ATP13A4: variants seen among roughly 807,000 people sequenced by gnomAD.
ATP13A4 encodes the protein ATPase 13A4.
A neutral mutation model predicts 142.5 loss-of-function variants in ATP13A4; 114 were observed. The ratio of observed to expected loss-of-function variants is 0.80; its 90% CI spans 0.69 to 0.93. The LOEUF (loss-of-function observed/expected upper bound fraction) is 0.93, where lower values mean the gene tolerates loss of function less well. Among genes scored for constraint, ATP13A4 ranks in the 40% least tolerant of loss-of-function variants. The pLI, the probability that ATP13A4 is intolerant of heterozygous loss-of-function variation, is 0.00. For synonymous variants in ATP13A4, 488 were observed against 514.8 expected, an observed-to-expected ratio of 0.95 and a Z score of 0.70; for missense variants, 1,392 against 1,454.0, an observed-to-expected ratio of 0.96 and a Z score of 0.69.
intron 7 of ATP13A4, among the ~76,000 whole-genome samples, chr3:193,484,574 T>G (rs562336980): frequency 6.6e-6 from 1 of 152,298 alleles, no homozygotes; most frequent in African/African-American, 2.4e-5. Flanking sequence ...GTCCTGATTT[T>G]GTCATTTAAG....
chr3:193,573,429 T>C (rs1020087588), intron 2 of ATP13A4, among the ~76,000 whole-genome samples: 27 of 150,484 alleles, frequency 1.8e-4, no homozygotes, highest in African/African-American at 5.4e-4. Flanking sequence ...TGGTGACAAA[T>C]GACTCTCTGG....
chr3:193,486,174 T>A (rs1462929273), intron 7 of ATP13A4, among the ~76,000 whole-genome samples: 1 of 151,894 alleles, frequency 6.6e-6, no homozygotes, highest in Non-Finnish European at 1.5e-5. Flanking sequence ...CTCTTAGAGA[T>A]CCTCAGTGAT....
chr3:193,575,641 T>C (rs1560288054), intron 2 of ATP13A4, among the ~76,000 whole-genome samples: 1 of 152,234 alleles, frequency 6.6e-6, no homozygotes. Flanking sequence ...GGAAAATCTC[T>C]ATTAGATTAG....
At chr3:193,581,713 C>A (rs908323737) in exon 2 of ATP13A4, 3 of 152,114 alleles carry the variant, frequency 2.0e-5, no homozygotes, top group Non-Finnish European at 2.9e-5. Flanking sequence ...TTACCTCTTC[C>A]TGATCTCTGG....
At position 193,414,766 on chromosome 3, in the gene ATP13A4, G is replaced by T; in HGVS notation, c.2843-16C>A. 6.2e-7 allele frequency: 1 copy of T among 1,612,304 alleles called. No homozygotes were observed. Among genetic ancestry groups the T allele is most frequent in the Non-Finnish European group, 8.5e-7 (1 of 1,178,660 alleles). Reference sequence around the variant, plus strand: ...TTCAGATTCACTATAAAATAAATTCGAATTTTATATTTATGAGAGCAGGAA... The same window carrying T: ...TTCAGATTCACTATAAAATAAATTCTAATTTTATATTTATGAGAGCAGGAA... On this transcript the variant is annotated splice_polypyrimidine_tract_variant and intron_variant, in intron 25 of 29. Coordinates refer to ENST00000342695, the MANE Select transcript of ATP13A4 (RefSeq NM_032279.4).
intron 20 of ATP13A4, among the ~76,000 whole-genome samples, chr3:193,441,001 ATCTC>A (rs111272453): frequency 1.3e-5 from 2 of 149,750 alleles, no homozygotes; most frequent in African/African-American, 2.4e-5. Context: ...CTATCGATCT[ATCTC>A]TCTCTCTCTC....
intron 23 of ATP13A4, among the ~76,000 whole-genome samples, chr3:193,437,919 C>A (rs1716389594): frequency 6.7e-6 from 1 of 150,302 alleles, no homozygotes; most frequent in Admixed American, 6.7e-5. Flanking sequence ...GCAATCTCCA[C>A]CTCCCAGGTT....
chr3:193,408,658 G>A (rs527762186), intron 28 of ATP13A4, among the ~76,000 whole-genome samples: 1 of 152,290 alleles, frequency 6.6e-6, no homozygotes, highest in South Asian at 2.1e-4. Flanking sequence ...ACATAGCCAA[G>A]AAATGAGGAC....
At chr3:193,407,475 T>G in intron 28 of ATP13A4, 82 bp from the exon 29 acceptor site, 3 of 1,100,780 alleles carry the variant, frequency 2.7e-6, no homozygotes, top group Non-Finnish European at 4.1e-6. Flanking sequence ...GCATATATTT[T>G]CCTAGGTTAT....
At chr3:193,470,176 G>A (rs1718537986) in intron 9 of ATP13A4, among the ~76,000 whole-genome samples, 1 of 152,126 alleles carries the variant, frequency 6.6e-6, no homozygotes, top group Non-Finnish European at 1.5e-5. Flanking sequence ...AGCAATGTCA[G>A]CCAAACATCT....
chr3:193,480,675 G>A (rs1489975543), intron 8 of ATP13A4, among the ~76,000 whole-genome samples: 2 of 152,142 alleles, frequency 1.3e-5, no homozygotes, highest in Non-Finnish European at 2.9e-5. Flanking sequence ...TTACACTGTT[G>A]GTGGGAATGT....
chr3:193,436,375 G>A (rs1716267693), intron 23 of ATP13A4, among the ~76,000 whole-genome samples: 1 of 152,036 alleles, frequency 6.6e-6, no homozygotes, highest in Non-Finnish European at 1.5e-5. Context: ...TGAAATAGAT[G>A]ACACATGAAA....
chr3:193,556,170 TA>T (rs34102495), upstream of ATP13A4, among the ~76,000 whole-genome samples: 679 of 152,248 alleles, frequency 4.5e-3, 7 homozygotes, highest in Middle Eastern at 0.01. Context: ...ACATGTAACA[TA>T]AAGATGATGA....
At chr3:193,500,096 A>C (rs751950092) in intron 3 of ATP13A4, among the ~76,000 whole-genome samples, 18 of 152,188 alleles carry the variant, frequency 1.2e-4, no homozygotes, top group Non-Finnish European at 2.1e-4. Context: ...AGCTGGTAAG[A>C]GGATGTTAAG....
chr3:193,441,355 C>T, intron 20 of ATP13A4, 111 bp downstream of exon 20: 1 of 1,344,964 alleles, frequency 7.4e-7, no homozygotes, highest in East Asian at 2.3e-5. Flanking sequence ...ATACAGAAAA[C>T]TCACTGAGTA....
At chr3:193,503,430 CAG>C (rs1479153887) in intron 2 of ATP13A4, among the ~76,000 whole-genome samples, 7 of 152,324 alleles carry the variant, frequency 4.6e-5, no homozygotes, top group Non-Finnish European at 2.9e-5. Context: ...ACCTATTTGA[CAG>C]TGGTTATTGT....
At chr3:193,523,304 CAA>C (rs79970405) in intron 1 of ATP13A4, among the ~76,000 whole-genome samples, 2 of 135,174 alleles carry the variant, frequency 1.5e-5, no homozygotes, top group Non-Finnish European at 1.6e-5. Context: ...AACTCCGTCT[CAA>C]AAAAAAAAAA....
At chr3:193,520,296 A>G (rs1721650622) in intron 1 of ATP13A4, among the ~76,000 whole-genome samples, 1 of 152,154 alleles carries the variant, frequency 6.6e-6, no homozygotes, top group Non-Finnish European at 1.5e-5. Context: ...CCTGGACACT[A>G]AAAATAAAAT....
At chr3:193,435,135 G>T (rs1175223999) in intron 24 of ATP13A4, among the ~76,000 whole-genome samples, 1 of 152,140 alleles carries the variant, frequency 6.6e-6, no homozygotes, top group Non-Finnish European at 1.5e-5. Context: ...AAGTATTATA[G>T]AATCATATGC....
Sources: allele counts gnomAD v4.1 joint callset (sites outside exome capture counted in the v4.1 genomes callset), GRCh38; gene constraint gnomAD v4.1.1; transcripts MANE v1.5; gene names NCBI Gene and HGNC (gene_info 2026-07-23, HGNC 2026-07-21).